The following STXBP5L variants were observed in gnomAD, a reference collection of about 807,000 sequenced individuals.
The protein encoded by STXBP5L is syntaxin-binding protein 5-like.
A neutral mutation model predicts 144.5 loss-of-function variants in STXBP5L; 65 were observed. That is an observed-to-expected ratio of 0.45 (90% CI 0.37 to 0.55). The LOEUF (loss-of-function observed/expected upper bound fraction) is 0.55. STXBP5L is among the 20% of genes least tolerant of loss of function. The pLI is 0.00. For synonymous variants in STXBP5L, 505 were observed against 469.6 expected (o/e 1.08, Z -0.97); for missense variants, 1,298 against 1,405.5 (o/e 0.92, Z 1.22).
intron 23 of STXBP5L, among the ~76,000 whole-genome samples, chr3:121,409,001 G>C (rs1173248878): frequency 6.6e-6 from 1 of 151,842 alleles, no homozygotes; most frequent in African/African-American, 2.4e-5. Context: ...AATAAATTGA[G>C]AATAAATATT....
intron 8 of STXBP5L, among the ~76,000 whole-genome samples, chr3:121,155,300 ATC>A (rs1044589862): frequency 1.1e-4 from 17 of 151,860 alleles, no homozygotes; most frequent in Admixed American, 3.3e-4. Flanking sequence ...CTTATTGCTT[ATC>A]TCTGAGCCTT....
At chr3:121,288,036 C>T (rs1398367274) in intron 19 of STXBP5L, among the ~76,000 whole-genome samples, 1 of 152,144 alleles carries the variant, frequency 6.6e-6, no homozygotes, top group Non-Finnish European at 1.5e-5. Context: ...CAAACTGATT[C>T]TAAAGTTCAT....
intron 5 of STXBP5L, among the ~76,000 whole-genome samples, chr3:121,102,148 A>C (rs1259767635): frequency 6.6e-6 from 1 of 151,994 alleles, no homozygotes; most frequent in African/African-American, 2.4e-5. Context: ...AAAGCAATGT[A>C]AAGATTCAAT....
At chr3:121,322,667 T>TG in intron 20 of STXBP5L, among the ~76,000 whole-genome samples, 1 of 150,562 alleles carries the variant, frequency 6.6e-6, no homozygotes, top group East Asian at 2.0e-4. Context: ...CTATTTCTTT[T>TG]TGTGTGTGTG....
At position 121,407,045 on chromosome 3, in the gene STXBP5L, G is replaced by A. The variant is rs148555663; in HGVS notation, c.2588-198G>A. Among the ~76,000 whole-genome samples the A allele has an allele frequency of 2.7e-4, 41 of 151,858 alleles. No individual in the cohort carries two copies. The East Asian group carries it at 7.2e-3, about 27-fold the overall frequency. On this transcript the variant is annotated intron_variant, in intron 22 of 26. Coordinates refer to ENST00000471454, the MANE Select transcript of STXBP5L (RefSeq NM_001308330.2). ...TAATGAGAGGGTTTGACCAGTTGAC[G>A]TCTTAAGTTCCTTTTAGACCTAACA...
intron 6 of STXBP5L, 107 bp downstream of exon 6, chr3:121,115,166 T>A: frequency 9.1e-7 from 1 of 1,103,738 alleles, no homozygotes; most frequent in Non-Finnish European, 1.3e-6. Flanking sequence ...TAATTTATAA[T>A]GAATTTGAGT....
chr3:120,961,024 A>G (rs61797910), intron 3 of STXBP5L, among the ~76,000 whole-genome samples: 1 of 151,798 alleles, frequency 6.6e-6, no homozygotes, highest in Non-Finnish European at 1.5e-5. Flanking sequence ...TGTTCAGGAT[A>G]TCTATTTCTT....
chr3:121,072,930 G>C (rs1442122924), intron 5 of STXBP5L, among the ~76,000 whole-genome samples: 1 of 152,186 alleles, frequency 6.6e-6, no homozygotes, highest in African/African-American at 2.4e-5. Flanking sequence ...AGTCAGTATA[G>C]ATGTTTACTG....
intron 3 of STXBP5L, among the ~76,000 whole-genome samples, chr3:121,005,148 C>T (rs1184027112): frequency 6.6e-6 from 1 of 152,134 alleles, no homozygotes; most frequent in African/African-American, 2.4e-5. Flanking sequence ...CCTTGTAACT[C>T]TGGTAGAATT....
chr3:120,937,210 T>A (rs1423282270), intron 2 of STXBP5L, among the ~76,000 whole-genome samples: 7 of 152,206 alleles, frequency 4.6e-5, no homozygotes, highest in Admixed American at 1.3e-4. Context: ...TAGTTTCTCT[T>A]GAGGACAGGT....
intron 19 of STXBP5L, among the ~76,000 whole-genome samples, chr3:121,306,385 G>A (rs934009962): frequency 3.9e-5 from 6 of 152,070 alleles, no homozygotes; most frequent in African/African-American, 1.2e-4. Flanking sequence ...TCTACCCCAG[G>A]CATAGACCTC....
intron 19 of STXBP5L, among the ~76,000 whole-genome samples, chr3:121,301,941 G>T (rs532934557): frequency 3.9e-5 from 6 of 152,100 alleles, no homozygotes; most frequent in Admixed American, 3.9e-4. Flanking sequence ...TGCTGGATTC[G>T]GTTTGCCAGT....
chr3:121,008,332 C>G (rs1576646853), intron 3 of STXBP5L, among the ~76,000 whole-genome samples: 1 of 151,922 alleles, frequency 6.6e-6, no homozygotes, highest in East Asian at 1.9e-4. Flanking sequence ...AAGTGGTAGC[C>G]TTAGGTTTAC....
At chr3:121,144,475 C>A (rs1287404518) in intron 7 of STXBP5L, among the ~76,000 whole-genome samples, 1 of 151,796 alleles carries the variant, frequency 6.6e-6, no homozygotes, top group African/African-American at 2.4e-5. Context: ...CCGAAAGACA[C>A]CTTTTGACAA....
Position 121,361,216 on chromosome 3 carries a change from C to A in STXBP5L, c.2177-17500C>A, listed in dbSNP as rs541893915. 9.7e-4 allele frequency among the ~76,000 whole-genome samples: 147 copies of A among 152,264 alleles called. 1 individual carries two copies. Among genetic ancestry groups the A allele is most frequent in the African/African-American group, 3.2e-3 (131 of 41,566 alleles). ...TCTTTTCTCTTGCTACTTTTAGAGT[C>A]CTTTCTTTATCCTTGACTTTTGGGA... On this transcript the variant is annotated intron_variant, in intron 20 of 26. Coordinates refer to ENST00000471454, the MANE Select transcript of STXBP5L (RefSeq NM_001308330.2).
At chr3:120,932,780 A>C (rs963982252) in intron 2 of STXBP5L, among the ~76,000 whole-genome samples, 1 of 152,120 alleles carries the variant, frequency 6.6e-6, no homozygotes, top group Non-Finnish European at 1.5e-5. Context: ...CACAATAGCA[A>C]AGACTTGGAA....
At chr3:121,142,085 T>C (rs1396094143) in intron 7 of STXBP5L, among the ~76,000 whole-genome samples, 3 of 152,068 alleles carry the variant, frequency 2.0e-5, no homozygotes, top group Non-Finnish European at 4.4e-5. Flanking sequence ...TGATAATTTA[T>C]GCAAATAGTA....
chr3:121,156,757 A>G (rs987653269), intron 8 of STXBP5L, among the ~76,000 whole-genome samples: 3 of 151,918 alleles, frequency 2.0e-5, no homozygotes, highest in Non-Finnish European at 4.4e-5. Flanking sequence ...TTATAATAAT[A>G]CAAATAAAAA....
At chr3:121,201,195 C>T (rs560995131) in intron 9 of STXBP5L, among the ~76,000 whole-genome samples, 4 of 152,244 alleles carry the variant, frequency 2.6e-5, no homozygotes, top group Admixed American at 1.3e-4. Context: ...TATGTGGATA[C>T]CACTGTATTG....
Sources: gnomAD v4.1 joint callset for allele counts (sites outside exome capture counted in the v4.1 genomes callset) on GRCh38, gnomAD v4.1.1 for gene constraint, MANE v1.5 for transcripts, NCBI Gene and HGNC (gene_info 2026-07-23, HGNC 2026-07-21) for gene names.